The following SLC4A5 variants were observed in gnomAD, a reference collection of about 807,000 sequenced individuals.
SLC4A5 encodes solute carrier family 4 member 5.
In SLC4A5, 96 loss-of-function variants were observed where a neutral mutation model predicts 120.4. The ratio of observed to expected loss-of-function variants is 0.80; its 90% CI spans 0.68 to 0.94. The LOEUF (loss-of-function observed/expected upper bound fraction) is 0.94. Among genes scored for constraint, SLC4A5 ranks in the 40% least tolerant of loss-of-function variants. SLC4A5 has a pLI of 0.00. For missense variants in SLC4A5, 1,259 were observed against 1,459.5 expected (o/e 0.86, Z 2.24); for synonymous variants, 550 against 571.1 (o/e 0.96, Z 0.53).
intron 21 of SLC4A5, among the ~76,000 whole-genome samples, chr2:74,237,237 A>G (rs1034093859): frequency 2.0e-5 from 3 of 152,166 alleles, no homozygotes; most frequent in African/African-American, 7.2e-5. Flanking sequence ...GGGCCTCCCA[A>G]AGTGCTGGGA....
intron 6 of SLC4A5, among the ~76,000 whole-genome samples, chr2:74,312,743 G>T (rs1205704625): frequency 6.6e-6 from 1 of 152,022 alleles, no homozygotes; most frequent in African/African-American, 2.4e-5. Context: ...GACCAGCTTG[G>T]CCAACATGGC....
intron 29 of SLC4A5, among the ~76,000 whole-genome samples, chr2:74,221,756 G>A (rs1030334543): frequency 2.6e-5 from 4 of 152,150 alleles, no homozygotes; most frequent in Non-Finnish European, 5.9e-5. Context: ...AGGAGTCTGA[G>A]AAACTCAAGA....
chr2:74,230,160 C>G (rs910592470), intron 25 of SLC4A5, among the ~76,000 whole-genome samples: 1 of 151,866 alleles, frequency 6.6e-6, no homozygotes, highest in Admixed American at 6.6e-5. Context: ...TTGAGATATT[C>G]AAAGAGGAAA....
intron 16 of SLC4A5, among the ~76,000 whole-genome samples, chr2:74,251,222 A>C (rs1573026832): frequency 6.6e-6 from 1 of 152,132 alleles, no homozygotes; most frequent in East Asian, 1.9e-4. Flanking sequence ...TGTGACAAGC[A>C]AAAATGTCTC....
chr2:74,268,000 T>TA (rs1359318021), intron 8 of SLC4A5, among the ~76,000 whole-genome samples: 23 of 150,848 alleles, frequency 1.5e-4, no homozygotes, highest in African/African-American at 4.4e-4. Flanking sequence ...TTTTTTTTTT[T>TA]AAAAAAGAGC....
intron 5 of SLC4A5, among the ~76,000 whole-genome samples, chr2:74,319,822 C>T (rs1673053717): frequency 6.6e-6 from 1 of 152,090 alleles, no homozygotes; most frequent in African/African-American, 2.4e-5. Flanking sequence ...CCATCTAAAC[C>T]TTACTCTCCT....
At chr2:74,307,300 G>T (rs1428423994) in intron 6 of SLC4A5, 2 of 537,362 alleles carry the variant, frequency 3.7e-6, no homozygotes, top group East Asian at 4.1e-5. Flanking sequence ...TAAGATTTGG[G>T]GACATGTACC....
chr2:74,321,123 A>G (rs1673087057), intron 5 of SLC4A5, among the ~76,000 whole-genome samples: 1 of 152,190 alleles, frequency 6.6e-6, no homozygotes, highest in Admixed American at 6.6e-5. Context: ...GTTGTTAAAT[A>G]TTTTGAATAT....
intron 17 of SLC4A5, among the ~76,000 whole-genome samples, chr2:74,249,800 C>A (rs1464849408): frequency 6.6e-6 from 1 of 152,182 alleles, no homozygotes; most frequent in Non-Finnish European, 1.5e-5. Context: ...AATGGGTCTT[C>A]TCCTTGGGGT....
intron 25 of SLC4A5, among the ~76,000 whole-genome samples, chr2:74,230,869 C>A (rs1424271512): frequency 2.0e-5 from 3 of 151,860 alleles, no homozygotes; most frequent in Non-Finnish European, 4.4e-5. Flanking sequence ...TGCAGTGGTG[C>A]GATCTTGGCT....
chr2:74,285,783 C>A lies in SLC4A5; in HGVS notation c.391G>T (p.Glu131Ter). Residue 131 changes from glutamate (E) to a stop codon, truncating the protein, a stop_gained, in exon 8 of 31, where the codon GAG becomes TAG. Transcript: ENST00000394019. LOFTEE classifies it high-confidence loss of function. ...GGGGCCCCGCCTCACCTGGCTGACTCCTTCCACTCCATCTGGTCTCCGTCA... is the reference window on the plus strand; with the variant it reads ...GGGGCCCCGCCTCACCTGGCTGACTACTTCCACTCCATCTGGTCTCCGTCA... 1 of 1,611,058 alleles carries A rather than the reference C, an allele frequency of 6.2e-7. No homozygotes were observed. Among genetic ancestry groups the A allele is most frequent in the Non-Finnish European group, 8.5e-7 (1 of 1,177,868 alleles).
chr2:74,327,564 A>G (rs1673245803), intron 5 of SLC4A5, among the ~76,000 whole-genome samples: 2 of 152,262 alleles, frequency 1.3e-5, no homozygotes, highest in Admixed American at 1.3e-4. Flanking sequence ...TAAGAAAACT[A>G]GCAGTAGCAA....
At chr2:74,290,639 GAGAGAGAGAGAAGTGAGCA>G in intron 7 of SLC4A5, 1 of 982,136 alleles carries the variant, frequency 1.0e-6, no homozygotes, top group Non-Finnish European at 1.2e-6. Flanking sequence ...GAGAGAGAGA[GAGAGAGAGAGAAGTGAGCA>G]AGAGAGAGAG....
At chr2:74,256,022 T>G in intron 12 of SLC4A5, 90 bp from the exon 13 acceptor site, 1 of 1,426,312 alleles carries the variant, frequency 7.0e-7, no homozygotes, top group Non-Finnish European at 9.5e-7. Context: ...AGGCCTAACT[T>G]GAAAAAAATT....
At chr2:74,283,971 G>A (rs1469643050) in intron 8 of SLC4A5, among the ~76,000 whole-genome samples, 1 of 151,292 alleles carries the variant, frequency 6.6e-6, no homozygotes, top group Non-Finnish European at 1.5e-5. Flanking sequence ...TCAAGTAGCT[G>A]AGACTACAGG....
intron 8 of SLC4A5, among the ~76,000 whole-genome samples, chr2:74,268,055 T>A (rs1054026004): frequency 1.3e-5 from 2 of 152,028 alleles, no homozygotes; most frequent in Non-Finnish European, 2.9e-5. Flanking sequence ...AACAGCTCCA[T>A]CATTTACTAG....
At chr2:74,327,931 G>C (rs974474958) in intron 5 of SLC4A5, among the ~76,000 whole-genome samples, 189 bp downstream of exon 5, 1 of 152,176 alleles carries the variant, frequency 6.6e-6, no homozygotes, top group Admixed American at 6.5e-5. Context: ...GATAAAAACA[G>C]TATAATTTTT....
At chr2:74,247,171 T>C (rs1395202338) in exon 19 of SLC4A5, 4 of 1,614,136 alleles carry the variant, frequency 2.5e-6, no homozygotes, top group Non-Finnish European at 3.4e-6. Flanking sequence ...CTGATAAGGG[T>C]GGAGAAGCCC....
chr2:74,235,474 A>G (rs1670240428), intron 21 of SLC4A5, among the ~76,000 whole-genome samples: 1 of 152,140 alleles, frequency 6.6e-6, no homozygotes, highest in Non-Finnish European at 1.5e-5. Flanking sequence ...GTGAACTGTG[A>G]CACATTTAGA....
Sources: gnomAD v4.1 joint callset for allele counts (sites outside exome capture counted in the v4.1 genomes callset) on GRCh38, gnomAD v4.1.1 for gene constraint, MANE v1.5 for transcripts, NCBI Gene and HGNC (gene_info 2026-07-23, HGNC 2026-07-21) for gene names.